RIGI: variants seen among roughly 807,000 people sequenced by gnomAD.
The protein encoded by RIGI is antiviral innate immune response receptor RIG-I.
At chr9:32,488,834 A>AT in the RIGI span, 1 of 1,613,320 alleles carries the variant, frequency 6.2e-7, no homozygotes, top group Non-Finnish European at 8.5e-7. Flanking sequence ...CCTTGTGGGA[A>AT]TTTTTTAAGA....
At chr9:32,488,005 A>G in the RIGI span, 7 of 1,614,060 alleles carry the variant, frequency 4.3e-6, no homozygotes, top group Non-Finnish European at 5.9e-6. Context: ...ACATGATCAT[A>G]TTGTACGGGT....
At chr9:32,469,878 G>C in the RIGI span, among the ~76,000 whole-genome samples, 2 of 151,928 alleles carry the variant, frequency 1.3e-5, no homozygotes, top group Admixed American at 1.3e-4. Context: ...TCCACTCACT[G>C]CTCACAGGGC....
the RIGI span, among the ~76,000 whole-genome samples, chr9:32,525,537 A>T: frequency 1.3e-5 from 2 of 152,180 alleles, no homozygotes; most frequent in African/African-American, 4.8e-5. Context: ...TAAAGCCTAA[A>T]GCTATTCGGT....
chr9:32,479,009 G>T, the RIGI span, among the ~76,000 whole-genome samples: 1 of 152,214 alleles, frequency 6.6e-6, no homozygotes, highest in Non-Finnish European at 1.5e-5. Context: ...AAAATTGCTT[G>T]CATCACTGGC....
chr9:32,468,031 T>C, the RIGI span: 3 of 1,106,632 alleles, frequency 2.7e-6, no homozygotes, highest in South Asian at 3.4e-5. Flanking sequence ...ATATGCCAAG[T>C]ACTGTGATAA....
the RIGI span, among the ~76,000 whole-genome samples, chr9:32,499,316 G>GTTT: frequency 0.015 from 838 of 57,414 alleles, 2 homozygotes; most frequent in Middle Eastern, 0.022. Context: ...TTTGTGATTT[G>GTTT]TTTTTTTTTT....
At chr9:32,526,065 C>T in the RIGI span, 8 of 1,613,136 alleles carry the variant, frequency 5.0e-6, no homozygotes, top group Non-Finnish European at 5.9e-6. Flanking sequence ...ACTCACCCTC[C>T]CTAAACCAGG....
the RIGI span, among the ~76,000 whole-genome samples, chr9:32,471,424 A>G: frequency 3.3e-5 from 5 of 152,356 alleles, no homozygotes; most frequent in South Asian, 2.1e-4. Flanking sequence ...TAGTTTATTC[A>G]TCTATTCAGT....
the RIGI span, among the ~76,000 whole-genome samples, chr9:32,516,025 T>C: frequency 6.6e-6 from 1 of 152,208 alleles, no homozygotes; most frequent in Non-Finnish European, 1.5e-5. Context: ...AGACATTTAT[T>C]CCAGAAAAAC....
At chr9:32,488,940 C>T in the RIGI span, 2 of 1,483,436 alleles carry the variant, frequency 1.3e-6, no homozygotes, top group Non-Finnish European at 1.8e-6. Flanking sequence ...TTAGATATTT[C>T]TCTGGAAAGG....
the RIGI span, among the ~76,000 whole-genome samples, chr9:32,521,040 G>A: frequency 6.7e-6 from 1 of 149,770 alleles, no homozygotes; most frequent in Non-Finnish European, 1.5e-5. Flanking sequence ...AGCTACTAGG[G>A]AGGTTGAGGC....
the RIGI span, among the ~76,000 whole-genome samples, chr9:32,512,632 T>C: frequency 1.3e-5 from 2 of 152,208 alleles, no homozygotes; most frequent in Non-Finnish European, 2.9e-5. Context: ...GGGCAAAAGT[T>C]GGAAGCATTT....
At chr9:32,455,406 A>G in the RIGI span, among the ~76,000 whole-genome samples, 5 of 152,152 alleles carry the variant, frequency 3.3e-5, no homozygotes, top group Non-Finnish European at 7.4e-5. Flanking sequence ...CAAGTCTTAC[A>G]TGGCAGCAGA....
At chr9:32,508,618 T>G in the RIGI span, among the ~76,000 whole-genome samples, 5 of 152,200 alleles carry the variant, frequency 3.3e-5, no homozygotes, top group East Asian at 9.7e-4. Context: ...GACCAGGAGA[T>G]TCCCTCCGGT....
chr9:32,488,995 T>A, the RIGI span: 2 of 872,682 alleles, frequency 2.3e-6, no homozygotes, highest in Non-Finnish European at 3.3e-6. Context: ...GACTAATTAA[T>A]TGATAATTTA....
At chr9:32,504,258 G>T in the RIGI span, among the ~76,000 whole-genome samples, 11 of 152,190 alleles carry the variant, frequency 7.2e-5, no homozygotes, top group South Asian at 2.3e-3. Context: ...ATGTGGGCAC[G>T]GGGGGAATGT....
At chr9:32,494,915 C>T in the RIGI span, among the ~76,000 whole-genome samples, 3 of 152,134 alleles carry the variant, frequency 2.0e-5, no homozygotes. Flanking sequence ...TTTGTTGATC[C>T]ATTCATCACT....
chr9:32,491,421 C>G, the RIGI span: 1 of 1,594,424 alleles, frequency 6.3e-7, no homozygotes, highest in Non-Finnish European at 8.5e-7. Context: ...TCTTTTATAC[C>G]TTTTTAAGAC....
the RIGI span, among the ~76,000 whole-genome samples, chr9:32,519,821 T>C: frequency 1.3e-5 from 2 of 152,204 alleles, no homozygotes; most frequent in South Asian, 4.1e-4. Flanking sequence ...TAAGACTTTC[T>C]AGTGTTTTTT....
Sources: gnomAD v4.1 joint callset for allele counts (sites outside exome capture counted in the v4.1 genomes callset) on GRCh38, gnomAD v4.1.1 for gene constraint, MANE v1.5 for transcripts, NCBI Gene and HGNC (gene_info 2026-07-23, HGNC 2026-07-21) for gene names.